Variants in CTNNBIP1 observed in about 807,000 individuals in gnomAD.
CTNNBIP1 encodes beta-catenin-interacting protein 1.
Under a neutral mutation model 11.8 loss-of-function variants are expected in CTNNBIP1, and 7 were observed. That is an observed-to-expected ratio of 0.60 (90% CI 0.34 to 1.12). The LOEUF (loss-of-function observed/expected upper bound fraction) is 1.12. Ranked by LOEUF, CTNNBIP1 falls within the 50% of genes most tolerant of loss-of-function variation. The pLI is 0.03. For missense variants in CTNNBIP1, 101 were observed against 113.4 expected, an observed-to-expected ratio of 0.89 and a Z score of 0.50; for synonymous variants, 58 against 43.9, an observed-to-expected ratio of 1.32 and a Z score of -1.26.
At chr1:9,858,471 A>G (rs4011519) in intron 5 of CTNNBIP1, among the ~76,000 whole-genome samples, 151,472 of 152,272 alleles carry the variant, frequency 0.99, 75,339 homozygotes, top group Middle Eastern at 1. Context: ...GCCCCTGGCC[A>G]TCCTTCAAGC....
rs1638890023 is a variant in CTNNBIP1, at chr1:9,872,705, C to T, written c.-24-617G>A. Among the ~76,000 whole-genome samples the T allele has an allele frequency of 6.6e-6, 1 of 152,122 alleles. No individual in the cohort carries two copies. The highest frequency in any genetic ancestry group is 6.5e-5 in the Admixed American group (1 of 15,282). On this transcript the variant is annotated intron_variant, in intron 3 of 5. Coordinates refer to ENST00000377263, the MANE Select transcript of CTNNBIP1 (RefSeq NM_020248.3). The surrounding 1 kb of genome is among the most constrained non-coding windows in gnomAD (Gnocchi z 4.0). ...GGGTTGCAGGGCTTGCTACCTCAGC[C>T]CTCACAAACCCACCCCACCTGTCAG...
chr1:9,905,620 C>T (rs919374668), intron 1 of CTNNBIP1, among the ~76,000 whole-genome samples: 2 of 150,900 alleles, frequency 1.3e-5, no homozygotes, highest in Admixed American at 6.6e-5. Flanking sequence ...TTAGTAGAGA[C>T]GGGGTTTCAC....
At chr1:9,887,826 A>G (rs1305353498) in intron 1 of CTNNBIP1, among the ~76,000 whole-genome samples, 1 of 151,956 alleles carries the variant, frequency 6.6e-6, no homozygotes, top group Non-Finnish European at 1.5e-5. Flanking sequence ...ACCAATAGAA[A>G]TTAATTAATT....
rs1459572486 is a variant in CTNNBIP1 at position 9,878,321 on chromosome 1, TG to T, written c.-109-333del. The stretch of plus-strand genomic sequence containing the variant: ...TGAGACGCTGTGTTCAGAGACACTG[TG>T]GACCAGAATGCATCACTCCAGGAAA... On this transcript the variant is annotated intron_variant, in intron 2 of 5. Coordinates refer to ENST00000377263, the MANE Select transcript of CTNNBIP1 (RefSeq NM_020248.3). The T allele has an allele frequency of 2.0e-5, 3 of 152,294 alleles. 1 individual carries two copies. Among genetic ancestry groups the T allele is most frequent in the African/African-American group, 7.2e-5 (3 of 41,466 alleles). 9.4% of individuals were successfully genotyped at this position (152,294 alleles called of 1,614,324 possible).
intron 5 of CTNNBIP1, among the ~76,000 whole-genome samples, chr1:9,863,853 A>T (rs563346328): frequency 6.6e-6 from 1 of 152,318 alleles, no homozygotes; most frequent in East Asian, 1.9e-4. Flanking sequence ...ACCACCCCTA[A>T]TAGGGCAGGG....
intron 1 of CTNNBIP1, among the ~76,000 whole-genome samples, chr1:9,887,476 G>A (rs935657749): frequency 6.6e-6 from 1 of 152,212 alleles, no homozygotes; most frequent in Admixed American, 6.5e-5. Context: ...CAGCACTTTG[G>A]AAGGTGGAGG....
chr1:9,871,172 C>G lies in CTNNBIP1; in HGVS notation c.187+15G>C. Reference sequence around the variant, plus strand: ...GACTTGTGCCACTGCCCCAGCCCCTCTGCCGCCAACTCACCCTGGTCGATG... The same window carrying G: ...GACTTGTGCCACTGCCCCAGCCCCTGTGCCGCCAACTCACCCTGGTCGATG... On this transcript the variant is annotated intron_variant, in intron 5 of 5. Transcript: ENST00000377263. This position sits in a 1 kb window ranked among gnomAD's most constrained non-coding sequence, Gnocchi z 5.2. 6.4e-7 allele frequency: 1 copy of G among 1,554,442 alleles called. No individual in the cohort carries two copies. The highest frequency in any genetic ancestry group is 1.4e-5 in the African/African-American group (1 of 73,958).
intron 1 of CTNNBIP1, among the ~76,000 whole-genome samples, chr1:9,894,927 A>ATTTT (rs1639379903): frequency 3.0e-5 from 2 of 66,142 alleles, no homozygotes; most frequent in African/African-American, 3.1e-4. Flanking sequence ...TTTTTTTTTG[A>ATTTT]GACAGAGTCT....
At chr1:9,882,059 C>CAAGA (rs1639093454) in intron 2 of CTNNBIP1, among the ~76,000 whole-genome samples, 2 of 152,160 alleles carry the variant, frequency 1.3e-5, no homozygotes, top group Non-Finnish European at 2.9e-5. Flanking sequence ...GGAAAGAAGA[C>CAAGA]CCAGGGCCTT....
intron 1 of CTNNBIP1, among the ~76,000 whole-genome samples, chr1:9,896,359 G>A (rs754514756): frequency 5.9e-5 from 9 of 152,110 alleles, no homozygotes; most frequent in Non-Finnish European, 1.0e-4. Context: ...TGTATTAGAC[G>A]AAAACACAGG....
At chr1:9,857,388 G>A (rs1270300840) in intron 5 of CTNNBIP1, among the ~76,000 whole-genome samples, 2 of 151,704 alleles carry the variant, frequency 1.3e-5, no homozygotes, top group African/African-American at 2.4e-5. Context: ...GTACTCGGGA[G>A]GCTGAGGCAG....
Position 9,856,609 on chromosome 1 carries a change from A to G in CTNNBIP1, c.188-5833T>C, listed in dbSNP as rs375165641. Among the ~76,000 whole-genome samples, 18 of 147,944 alleles carry G rather than the reference A, an allele frequency of 1.2e-4. 1 individual carries two copies. The South Asian group carries it at 2.1e-3, about 18-fold the overall frequency. Reference sequence around the variant, plus strand: ...TCTCACCACAATCTCCGCCTCCCGCATTCAAGCGATTCTCCTGCCTCAGCC... The same window carrying G: ...TCTCACCACAATCTCCGCCTCCCGCGTTCAAGCGATTCTCCTGCCTCAGCC... On this transcript the variant is annotated intron_variant, in intron 5 of 5. Transcript: ENST00000377263.
intron 1 of CTNNBIP1, among the ~76,000 whole-genome samples, chr1:9,903,015 T>A (rs1639553414): frequency 6.6e-6 from 1 of 152,228 alleles, no homozygotes; most frequent in African/African-American, 2.4e-5. Context: ...TCCGCCTGCC[T>A]TGGCCTCCCA....
At position 9,872,487 on chromosome 1, in the gene CTNNBIP1, C is replaced by A. The variant is rs1638884693; in HGVS notation, c.-24-399G>T. ...TCCCAGGTTTTCAGAACAACTTCCACAAGGGGCAAAAAAGTGATGGGATCA... is the reference window on the plus strand; with the variant it reads ...TCCCAGGTTTTCAGAACAACTTCCAAAAGGGGCAAAAAAGTGATGGGATCA... On this transcript the variant is annotated intron_variant, in intron 3 of 5. Transcript: ENST00000377263. This position sits in a 1 kb window ranked among gnomAD's most constrained non-coding sequence, Gnocchi z 4.0. 6.6e-6 allele frequency among the ~76,000 whole-genome samples: 1 copy of A among 152,330 alleles called. No homozygotes were observed. The highest frequency in any genetic ancestry group is 2.1e-4 in the South Asian group (1 of 4,832).
At position 9,867,995 on chromosome 1, in the gene CTNNBIP1, T is replaced by C. The variant is rs187016171; in HGVS notation, c.187+3192A>G. ...ATTGCAGTTCTGCTGTTATTGTTGT[T>C]GTGTTTGTTTGTGGTGTCGTTAGGC... On this transcript the variant is annotated intron_variant, in intron 5 of 5. Transcript: ENST00000377263. This position sits in a 1 kb window ranked among gnomAD's most constrained non-coding sequence, Gnocchi z 4.6. 2.6e-5 allele frequency among the ~76,000 whole-genome samples: 4 copies of C among 152,328 alleles called. No homozygotes were observed. Among genetic ancestry groups the C allele is most frequent in the African/African-American group, 9.6e-5 (4 of 41,574 alleles).
At chr1:9,889,150 C>T (rs1453761793) in intron 1 of CTNNBIP1, among the ~76,000 whole-genome samples, 1 of 152,220 alleles carries the variant, frequency 6.6e-6, no homozygotes, top group East Asian at 1.9e-4. Flanking sequence ...CTGGAGACAG[C>T]TTCCCCAGGA....
Position 9,851,414 on chromosome 1 carries a change from A to C in CTNNBIP1, c.188-638T>G, listed in dbSNP as rs1638382898. ...GATATGGAGTCTTGCTCTATCACCC[A>C]GGCTGGAGTATAGTGGCACAATCTC... On this transcript the variant is annotated intron_variant, in intron 5 of 5. Coordinates refer to ENST00000377263, the MANE Select transcript of CTNNBIP1 (RefSeq NM_020248.3). The surrounding 1 kb of genome is among the most constrained non-coding windows in gnomAD (Gnocchi z 4.8). 2.0e-5 allele frequency among the ~76,000 whole-genome samples: 3 copies of C among 151,736 alleles called. No individual in the cohort carries two copies.
intron 1 of CTNNBIP1, among the ~76,000 whole-genome samples, chr1:9,885,133 G>A (rs549314772): frequency 6.6e-6 from 1 of 152,330 alleles, no homozygotes; most frequent in Non-Finnish European, 1.5e-5. Context: ...CAGCAGCAGA[G>A]GGTGAGGGTT....
At chr1:9,892,116 A>G (rs1046739243) in intron 1 of CTNNBIP1, among the ~76,000 whole-genome samples, 4 of 151,940 alleles carry the variant, frequency 2.6e-5, no homozygotes, top group Non-Finnish European at 4.4e-5. Context: ...TCTACAAAAA[A>G]TCTTTAAAAG....
Sources: gnomAD v4.1 joint callset for allele counts (sites outside exome capture counted in the v4.1 genomes callset) on GRCh38, gnomAD v4.1.1 for gene constraint, Gnocchi (gnomAD v3.1) non-coding constraint, MANE v1.5 for transcripts, NCBI Gene and HGNC (gene_info 2026-07-23, HGNC 2026-07-21) for gene names.